Variants in TRAK2 observed in about 807,000 individuals in gnomAD.
TRAK2 encodes the protein trafficking kinesin protein 2.
In TRAK2, 81 loss-of-function variants were observed where a neutral mutation model predicts 104.6. That is an observed-to-expected ratio of 0.77 (90% confidence interval 0.65 to 0.93). The LOEUF (loss-of-function observed/expected upper bound fraction) is 0.93. Ranked by LOEUF, TRAK2 falls within the 40% of genes least tolerant of loss-of-function variation. TRAK2 has a pLI of 0.00. For synonymous variants in TRAK2, 406 were observed against 394.4 expected (o/e 1.03, Z -0.35); for missense variants, 1,002 against 1,089.0 (o/e 0.92, Z 1.12).
Position 201,398,307 on chromosome 2 carries a change from T to C in TRAK2, c.528A>G (p.Arg176=). The C allele has an allele frequency of 1.2e-6, 2 of 1,613,706 alleles. No homozygotes were observed. Among genetic ancestry groups the C allele is most frequent in the Non-Finnish European group, 8.5e-7 (1 of 1,179,690 alleles). ...TTTCTTCAGAAGCAATGGAGACGAT[T>C]CGAAGTAACTCATCTTTCTTGCATA... The part of the protein sequence containing the change: ...HELCKKDELL[R]IVSIASEESE... The change falls in exon 6 of 16, where the codon CGA becomes CGG. Residue 176 remains arginine, a synonymous_variant. Coordinates refer to ENST00000332624, the MANE Select transcript of TRAK2 (RefSeq NM_015049.3).
At chr2:201,411,889 A>G in intron 2 of TRAK2, 1 of 1,025,936 alleles carries the variant, frequency 9.7e-7, no homozygotes, top group Non-Finnish European at 1.6e-6. Context: ...GGTAGTCTAT[A>G]AGATTTGCAA....
chr2:201,381,476 G>A, intron 15 of TRAK2, among the ~76,000 whole-genome samples: 1 of 152,086 alleles, frequency 6.6e-6, no homozygotes, highest in Non-Finnish European at 1.5e-5. Flanking sequence ...GATATGAAAG[G>A]TATTGCTGTA....
At position 201,434,051 on chromosome 2, in the gene TRAK2, G is replaced by A. The variant is rs564102584; in HGVS notation, c.-199-13345C>T. Reference sequence around the variant, plus strand: ...CGGCTCACTGCAACCTCCGCCTCCCGGGTTCACGCCATTCTCCTGCCTCAG... The same window carrying A: ...CGGCTCACTGCAACCTCCGCCTCCCAGGTTCACGCCATTCTCCTGCCTCAG... On this transcript the variant is annotated intron_variant, in intron 1 of 15. Transcript: ENST00000332624. Among the ~76,000 whole-genome samples, 4 of 152,044 alleles carry A rather than the reference G, an allele frequency of 2.6e-5. No individual in the cohort carries two copies. In the East Asian group the frequency reaches 5.8e-4, roughly 22 times the overall value.
chr2:201,413,020 G>A, intron 2 of TRAK2: 1 of 778,082 alleles, frequency 1.3e-6, no homozygotes, highest in Non-Finnish European at 2.4e-6. Context: ...GAAGTCGAGG[G>A]TGTTGAAGTC....
intron 12 of TRAK2, among the ~76,000 whole-genome samples, chr2:201,388,402 G>A (rs548184712): frequency 3.3e-5 from 5 of 151,992 alleles, no homozygotes; most frequent in East Asian, 3.9e-4. Context: ...GGAAAAAAAC[G>A]CTACGGATTA....
At chr2:201,442,323 G>A (rs1402468253) in intron 1 of TRAK2, among the ~76,000 whole-genome samples, 5 of 151,624 alleles carry the variant, frequency 3.3e-5, no homozygotes, top group South Asian at 2.1e-4. Flanking sequence ...CCCAGGGGGC[G>A]GAGCCTGCAG....
chr2:201,411,515 A>T, intron 2 of TRAK2: 1 of 746,452 alleles, frequency 1.3e-6, no homozygotes, highest in Non-Finnish European at 2.5e-6. Context: ...GCTTAGTCTT[A>T]TGTTCAGACT....
chr2:201,440,545 GAACATGAACACA>G (rs1196931653), intron 1 of TRAK2, among the ~76,000 whole-genome samples: 1 of 152,146 alleles, frequency 6.6e-6, no homozygotes, highest in African/African-American at 2.4e-5. Flanking sequence ...GCCTAGCTAT[GAACATGAACACA>G]CTCTGTCCTT....
chr2:201,435,593 A>G (rs1951875317), intron 1 of TRAK2, among the ~76,000 whole-genome samples: 1 of 152,236 alleles, frequency 6.6e-6, no homozygotes, highest in East Asian at 1.9e-4. Context: ...AAGTTAGATT[A>G]ATGGAGAAAT....
chr2:201,411,565 A>C (rs924365621), intron 2 of TRAK2: 1 of 761,638 alleles, frequency 1.3e-6, no homozygotes, highest in Admixed American at 1.7e-5. Context: ...GAAATGAAAG[A>C]ATTGAACTGA....
At chr2:201,414,744 A>G (rs908466164) in intron 2 of TRAK2, among the ~76,000 whole-genome samples, 1 of 152,134 alleles carries the variant, frequency 6.6e-6, no homozygotes, top group Non-Finnish European at 1.5e-5. Context: ...CCTGCCACAC[A>G]TATATTACAT....
intron 3 of TRAK2, among the ~76,000 whole-genome samples, chr2:201,406,496 T>G (rs1015071649): frequency 2.6e-5 from 4 of 152,198 alleles, no homozygotes; most frequent in African/African-American, 9.6e-5. Flanking sequence ...AGGAAACTAG[T>G]GCTGAAAACA....
chr2:201,412,558 A>C, intron 2 of TRAK2: 1 of 1,319,628 alleles, frequency 7.6e-7, no homozygotes, highest in Middle Eastern at 1.9e-4. Flanking sequence ...AACAGTTCCT[A>C]AAGAATATAT....
chr2:201,386,511 A>T, intron 13 of TRAK2, 27 bp from the exon 14 acceptor site: 1 of 1,608,576 alleles, frequency 6.2e-7, no homozygotes, highest in Non-Finnish European at 8.5e-7. Flanking sequence ...AAGGAAGGGG[A>T]AAGGCATGTT....
intron 7 of TRAK2, among the ~76,000 whole-genome samples, chr2:201,396,399 A>G (rs187456370): frequency 6.6e-6 from 1 of 152,260 alleles, no homozygotes; most frequent in Admixed American, 6.5e-5. Context: ...TGATATTTTC[A>G]TATCATTGTT....
intron 1 of TRAK2, among the ~76,000 whole-genome samples, chr2:201,426,309 G>A (rs1951788430): frequency 6.6e-6 from 1 of 152,112 alleles, no homozygotes; most frequent in African/African-American, 2.4e-5. Context: ...TATGAGAATC[G>A]AATGCCTGAT....
chr2:201,387,639 A>G (rs1951403604), intron 13 of TRAK2, 64 bp downstream of exon 13: 2 of 1,465,718 alleles, frequency 1.4e-6, no homozygotes, highest in South Asian at 1.4e-5. Context: ...ACAAATCTCA[A>G]TTCCAGGGAA....
At chr2:201,441,928 G>A (rs1356088831) in intron 1 of TRAK2, among the ~76,000 whole-genome samples, 2 of 150,834 alleles carry the variant, frequency 1.3e-5, no homozygotes, top group South Asian at 2.1e-4. Context: ...TCCTGACCTC[G>A]TGATCCACCC....
chr2:201,410,919 T>G, intron 2 of TRAK2: 2 of 1,580,972 alleles, frequency 1.3e-6, no homozygotes, highest in Non-Finnish European at 1.7e-6. Flanking sequence ...CAGAGTCATT[T>G]TGGTCACTCC....
Sources: gnomAD v4.1 joint callset for allele counts (sites outside exome capture counted in the v4.1 genomes callset) on GRCh38, gnomAD v4.1.1 for gene constraint, MANE v1.5 for transcripts, NCBI Gene and HGNC (gene_info 2026-07-23, HGNC 2026-07-21) for gene names.